Variants in SHROOM3 observed in about 807,000 individuals in gnomAD.
The protein encoded by SHROOM3 is shroom family member 3, also known as protein Shroom3.
SHROOM3 carries 47 observed loss-of-function variants against 138.6 expected under a neutral mutation model. The ratio of observed to expected loss-of-function variants is 0.34; its 90% CI spans 0.27 to 0.43. SHROOM3 has a LOEUF of 0.43. Ranked by LOEUF, SHROOM3 falls within the 20% of genes least tolerant of loss-of-function variation. The pLI is 1.00. For missense variants in SHROOM3, 2,491 were observed against 2,596.5 expected (o/e 0.96, Z 0.88); for synonymous variants, 1,062 against 1,063.3 (o/e 1.00, Z 0.02).
At chr4:76,523,385 A>G (rs2110011779) in intron 1 of SHROOM3, among the ~76,000 whole-genome samples, 1 of 152,260 alleles carries the variant, frequency 6.6e-6, no homozygotes, top group South Asian at 2.1e-4. Flanking sequence ...AATTTGGGGG[A>G]CACTGTTCAA....
At chr4:76,636,794 C>A (rs1350541142) in intron 2 of SHROOM3, among the ~76,000 whole-genome samples, 1 of 152,210 alleles carries the variant, frequency 6.6e-6, no homozygotes, top group South Asian at 2.1e-4. Flanking sequence ...GGGTTGGTAA[C>A]CACCTTTCAC....
chr4:76,731,793 AAC>A lies in SHROOM3; in HGVS notation c.587+860_587+861del, dbSNP rs374141722. Among the ~76,000 whole-genome samples, 55 of 151,618 alleles carry A rather than the reference AAC, an allele frequency of 3.6e-4. 1 individual carries two copies. Among genetic ancestry groups the A allele is most frequent in the East Asian group, 1.4e-3 (7 of 5,172 alleles). ...AAGACTTCATCTCAAAAAAAAAACAAACAAACAAACAAACAGAAATTTAAGCT... is the reference window on the plus strand; with the variant it reads ...AAGACTTCATCTCAAAAAAAAAACAAAAACAAACAAACAGAAATTTAAGCT... On this transcript the variant is annotated intron_variant, in intron 4 of 10. Coordinates refer to ENST00000296043, the MANE Select transcript of SHROOM3 (RefSeq NM_020859.4).
At chr4:76,649,563 GT>G (rs1735908551) in intron 2 of SHROOM3, among the ~76,000 whole-genome samples, 1 of 152,150 alleles carries the variant, frequency 6.6e-6, no homozygotes, top group Non-Finnish European at 1.5e-5. Flanking sequence ...ATTTGACATG[GT>G]GTTGTAAAAG....
Position 76,739,119 on chromosome 4 carries a change from G to C in SHROOM3, c.946G>C (p.Gly316Arg). ...CAAGACAGTCTATGACACCCGGAGG[G>C]GAGTCTCAGCAGAGTATGAGGTGAA... Reference protein sequence around the residue: ...YVKTVYDTRRGVSAEYEVNSS... With the variant: ...YVKTVYDTRRRVSAEYEVNSS... Residue 316 changes from glycine to arginine, a missense_variant, in exon 5 of 11, where the codon GGA (glycine) becomes CGA (arginine). Coordinates refer to ENST00000296043, the MANE Select transcript of SHROOM3 (RefSeq NM_020859.4). 1 of 1,614,210 alleles carries C rather than the reference G, an allele frequency of 6.2e-7. No homozygotes were observed. The highest frequency in any genetic ancestry group is 8.5e-7 in the Non-Finnish European group (1 of 1,180,028).
chr4:76,637,367 C>T (rs1735527184), intron 2 of SHROOM3, among the ~76,000 whole-genome samples: 1 of 152,160 alleles, frequency 6.6e-6, no homozygotes, highest in Non-Finnish European at 1.5e-5. Context: ...AATGTGAAGA[C>T]TGAGGGCTTG....
chr4:76,744,718 G>GTTAAAA lies in SHROOM3; in HGVS notation c.3753+2792_3753+2793insTTAAAA, dbSNP rs1721375162. 3.9e-5 allele frequency among the ~76,000 whole-genome samples: 6 copies of GTTAAAA among 152,304 alleles called. No individual in the cohort carries two copies. The South Asian group carries it at 1.2e-3, about 32-fold the overall frequency. ...TTAAGTGAACTTGTAGAGACTGTCTGCCTGAGTTAAAACCACAATGTGGAG... is the reference window on the plus strand; with the variant it reads ...TTAAGTGAACTTGTAGAGACTGTCTGTTAAAACCTGAGTTAAAACCACAATGTGGAG... On this transcript the variant is annotated intron_variant, in intron 5 of 10. Transcript: ENST00000296043.
rs558138505 is a variant in SHROOM3, at chr4:76,705,038, G to A, written c.324-5118G>A. Among the ~76,000 whole-genome samples, 24 of 152,292 alleles carry A rather than the reference G, an allele frequency of 1.6e-4. 1 individual carries two copies. In the South Asian group the frequency reaches 2.9e-3, roughly 18 times the overall value. On this transcript the variant is annotated intron_variant, in intron 2 of 10. Coordinates refer to ENST00000296043, the MANE Select transcript of SHROOM3 (RefSeq NM_020859.4). ...AGACCATGCCTAATGGCTCAGTTCC[G>A]TGTCTTTTACTCCAGTTTCCCCAGC...
chr4:76,659,184 T>G (rs1039223556), intron 2 of SHROOM3, among the ~76,000 whole-genome samples: 2 of 152,184 alleles, frequency 1.3e-5, no homozygotes, highest in Non-Finnish European at 2.9e-5. Context: ...AGGCCCATCC[T>G]TCAGCCACCT....
intron 3 of SHROOM3, among the ~76,000 whole-genome samples, chr4:76,721,125 A>C (rs902078300): frequency 4.0e-5 from 6 of 151,390 alleles, no homozygotes; most frequent in Non-Finnish European, 8.8e-5. Flanking sequence ...TCCCGGCTAA[A>C]ACGGTGAAAC....
At chr4:76,656,648 C>T (rs936007318) in intron 2 of SHROOM3, among the ~76,000 whole-genome samples, 9 of 152,202 alleles carry the variant, frequency 5.9e-5, no homozygotes, top group African/African-American at 1.7e-4. Flanking sequence ...GTAGTATCTC[C>T]AATAAGGCAC....
At chr4:76,469,409 CA>C (rs1731319966) in intron 1 of SHROOM3, among the ~76,000 whole-genome samples, 1 of 151,978 alleles carries the variant, frequency 6.6e-6, no homozygotes, top group Admixed American at 6.6e-5. Context: ...TAAGTCCCCC[CA>C]CTTAAATTCC....
In SHROOM3 at chr4:76,740,394, A is replaced by G. The variant is rs1478082222; in HGVS notation, c.2221A>G (p.Ser741Gly). 4.3e-6 allele frequency: 7 copies of G among 1,612,936 alleles called. No homozygotes were observed. The highest frequency in any genetic ancestry group is 2.7e-5 in the African/African-American group (2 of 74,934). The change falls in exon 5 of 11, where the codon AGT becomes GGT. Residue 741 changes from serine to glycine, a missense_variant. Physicochemically the swap from Ser to Gly is moderately conservative, Grantham distance 56 (BLOSUM62 0). This residue lies in a region of SHROOM3 where 1,733 missense variants were observed against 1,661.6 expected (regional missense o/e 1.04). Coordinates refer to ENST00000296043, the MANE Select transcript of SHROOM3 (RefSeq NM_020859.4). This position sits in a 1 kb window ranked among gnomAD's most constrained non-coding sequence, Gnocchi z 4.0. ...ASASFNSTDP[S>G]PEEPPAPSHP... The stretch of plus-strand genomic sequence containing the variant: ...GGCTTCTTTCAACAGCACAGACCCA[A>G]GTCCCGAAGAGCCGCCTGCCCCCTC...
rs773899698 is a variant in SHROOM3 at position 76,738,807 on chromosome 4, C to G, written c.634C>G (p.Arg212Gly). The change falls in exon 5 of 11, where the codon CGG becomes GGG. Residue 212 changes from arginine to glycine, a missense_variant. Physicochemically the swap from Arg to Gly is moderately radical, Grantham distance 125. Around this residue, in one of 4 missense-constraint regions of SHROOM3, gnomAD observed 284 missense variants for 322.8 expected, o/e 0.88. Coordinates refer to ENST00000296043, the MANE Select transcript of SHROOM3 (RefSeq NM_020859.4). ...CAACTATGACCATGCTTATCTAAGG[C>G]GGAGCCCTGACCAGTGCAGCTCCCA... ...LSNYDHAYLRRSPDQCSSQGS... is the reference protein window; with the variant it reads ...LSNYDHAYLRGSPDQCSSQGS... The G allele has an allele frequency of 1.9e-6, 3 of 1,614,240 alleles. No individual in the cohort carries two copies. In the South Asian group the frequency reaches 3.3e-5, roughly 18 times the overall value.
chr4:76,746,425 C>T (rs1235131895), intron 5 of SHROOM3, among the ~76,000 whole-genome samples: 1 of 152,096 alleles, frequency 6.6e-6, no homozygotes, highest in Non-Finnish European at 1.5e-5. Context: ...CAGTATTCAG[C>T]ACAGTAATAT....
chr4:76,447,061 G>A (rs1263526934), intron 1 of SHROOM3, among the ~76,000 whole-genome samples: 1 of 152,112 alleles, frequency 6.6e-6, no homozygotes, highest in East Asian at 1.9e-4. Context: ...TACCCTCAAA[G>A]CCATTGCTAC....
At chr4:76,701,655 T>C (rs1268666704) in intron 2 of SHROOM3, among the ~76,000 whole-genome samples, 5 of 152,230 alleles carry the variant, frequency 3.3e-5, no homozygotes, top group African/African-American at 9.6e-5. Flanking sequence ...AGGCTAATGA[T>C]AGAGGATAGG....
chr4:76,597,997 T>C (rs1393088477), intron 2 of SHROOM3, among the ~76,000 whole-genome samples: 1 of 151,720 alleles, frequency 6.6e-6, no homozygotes, highest in African/African-American at 2.4e-5. Flanking sequence ...CAGCATCTAC[T>C]GGTGAAAGTA....
intron 2 of SHROOM3, among the ~76,000 whole-genome samples, chr4:76,691,211 C>A (rs1242796852): frequency 6.6e-6 from 1 of 152,266 alleles, no homozygotes; most frequent in East Asian, 1.9e-4. Flanking sequence ...AGAAGGTTAC[C>A]AAGGGATGTT....
At chr4:76,507,672 G>A (rs1014940824) in intron 1 of SHROOM3, among the ~76,000 whole-genome samples, 1 of 151,756 alleles carries the variant, frequency 6.6e-6, no homozygotes, top group Non-Finnish European at 1.5e-5. Flanking sequence ...CCGAGTAGCT[G>A]GGACTACAGG....
Sources: gnomAD v4.1 joint callset for allele counts (sites outside exome capture counted in the v4.1 genomes callset) on GRCh38, gnomAD v4.1.1 for gene constraint, gnomAD v4.1.1 regional missense constraint, Gnocchi (gnomAD v3.1) non-coding constraint, MANE v1.5 for transcripts, NCBI Gene and HGNC (gene_info 2026-07-23, HGNC 2026-07-21) for gene names.